Variants in ADAM9 observed in about 807,000 individuals in gnomAD.
The protein encoded by ADAM9 is disintegrin and metalloproteinase domain-containing protein 9.
Under a neutral mutation model 108.1 loss-of-function variants are expected in ADAM9, and 54 were observed. The observed-to-expected ratio is 0.50, with a 90% CI of 0.40 to 0.63. ADAM9 has a LOEUF of 0.63. ADAM9 is among the 20% of genes least tolerant of loss of function. The pLI, the probability that ADAM9 is intolerant of heterozygous loss-of-function variation, is 0.00. For synonymous variants in ADAM9, 316 were observed against 336.0 expected (o/e 0.94, Z 0.65); for missense variants, 830 against 997.7 (o/e 0.83, Z 2.26).
Position 39,054,518 on chromosome 8 carries a change from G to A in ADAM9, c.1340G>A (p.Cys447Tyr). The A allele has an allele frequency of 6.3e-7, 1 of 1,598,344 alleles. No homozygotes were observed. Among genetic ancestry groups the A allele is most frequent in the Non-Finnish European group, 8.5e-7 (1 of 1,171,594 alleles). ...GACCCTTGCTGCGAAGGAAGTACCT[G>A]TAAGCTTAAATCATTTGCTGAGTGT... ...ELDPCCEGST[C>Y]KLKSFAECAY... The change falls in exon 13 of 22, where the codon TGT (cysteine) becomes TAT (tyrosine). Residue 447 changes from cysteine (C) to tyrosine (Y), a missense_variant. Physicochemically the swap from Cys to Tyr is radical, Grantham distance 194. This residue lies in a region of ADAM9 where 381 missense variants were observed against 539.8 expected (regional missense o/e 0.71). Coordinates refer to ENST00000487273, the MANE Select transcript of ADAM9 (RefSeq NM_003816.3).
At chr8:39,045,544 A>C (rs377633999) in intron 12 of ADAM9, among the ~76,000 whole-genome samples, 1 of 119,254 alleles carries the variant, frequency 8.4e-6, no homozygotes, top group African/African-American at 3.3e-5. Flanking sequence ...GTGTGTATAT[A>C]TGTGTGTGTG....
At chr8:39,010,525 A>G (rs937765868) in intron 2 of ADAM9, among the ~76,000 whole-genome samples, 1 of 152,172 alleles carries the variant, frequency 6.6e-6, no homozygotes, top group Non-Finnish European at 1.5e-5. Context: ...AGGGAATATT[A>G]AGTAGACACT....
rs778356738 is a variant in ADAM9 at position 39,023,264 on chromosome 8, G to T, written c.853G>T (p.Val285Leu). 6.2e-7 allele frequency: 1 copy of T among 1,613,604 alleles called. No individual in the cohort carries two copies. The highest frequency in any genetic ancestry group is 1.7e-5 in the Admixed American group (1 of 59,994). ...TGCTGGTGATGTGCTGGGGAACTTCGTGCAGTGGCGGGAAAAGTTTCTTAT... is the reference window on the plus strand; with the variant it reads ...TGCTGGTGATGTGCTGGGGAACTTCTTGCAGTGGCGGGAAAAGTTTCTTAT... The part of the protein sequence containing the change: ...GGAGDVLGNF[V>L]QWREKFLITR... The change falls in exon 9 of 22, where the codon GTG becomes TTG. Residue 285 changes from valine to leucine, a missense_variant. This residue lies in a region of ADAM9 where 381 missense variants were observed against 539.8 expected (regional missense o/e 0.71). Coordinates refer to ENST00000487273, the MANE Select transcript of ADAM9 (RefSeq NM_003816.3).
chr8:39,076,022 T>C (rs1275111869), intron 15 of ADAM9: 1 of 151,804 alleles, frequency 6.6e-6, no homozygotes, highest in African/African-American at 2.4e-5. Context: ...AAATTAGGAG[T>C]TTTAGTGATA....
chr8:39,021,530 C>T lies in ADAM9; in HGVS notation c.673-113C>T, dbSNP rs917511513. The stretch of plus-strand genomic sequence containing the variant: ...AACTCCTGACCTCAGGTGATCTACC[C>T]GCCTGGGCCTCTCAAAATGCTAGAA... On this transcript the variant is annotated intron_variant, in intron 7 of 21. Coordinates refer to ENST00000487273, the MANE Select transcript of ADAM9 (RefSeq NM_003816.3). 21 of 905,458 alleles carry T rather than the reference C, an allele frequency of 2.3e-5. 1 individual carries two copies. The highest frequency in any genetic ancestry group is 1.5e-4 in the East Asian group (6 of 39,912). The allele number at this position is 905,458 out of a possible 1,614,324, so 56.1% of individuals were successfully genotyped here. A position where few individuals can be genotyped will look rare whatever the true frequency, so the allele number is the denominator to read the frequency against.
rs1175502484 is a variant in ADAM9, at chr8:39,045,126, GCATA to G, written c.1302+3018_1302+3021del. Among the ~76,000 whole-genome samples the G allele has an allele frequency of 5.3e-4, 41 of 77,524 alleles. 5 individuals carry two copies. Among genetic ancestry groups the G allele is most frequent in the South Asian group, 2.4e-3 (6 of 2,496 alleles). 50.9% of individuals were successfully genotyped at this position (77,524 alleles called of 152,430 possible). A position where few individuals can be genotyped will look rare whatever the true frequency, so the allele number is the denominator to read the frequency against. On this transcript the variant is annotated intron_variant, in intron 12 of 21. Coordinates refer to ENST00000487273, the MANE Select transcript of ADAM9 (RefSeq NM_003816.3). ...TGTGCATACATACATATGTGTGTGT[GCATA>G]CATACATATATGTGTATATATGTGT...
At position 39,045,373 on chromosome 8, in the gene ADAM9, CATACACCTATAGGTGT is replaced by C. The variant is rs1564301013; in HGVS notation, c.1302+3257_1302+3272del. Among the ~76,000 whole-genome samples, 54 of 113,588 alleles carry C rather than the reference CATACACCTATAGGTGT, an allele frequency of 4.8e-4. 7 individuals are homozygous for C. Among genetic ancestry groups the C allele is most frequent in the African/African-American group, 1.5e-3 (46 of 30,690 alleles). The allele number at this position is 113,588 out of a possible 152,430, so 74.5% of individuals were successfully genotyped here. A position where few individuals can be genotyped will look rare whatever the true frequency, so the allele number is the denominator to read the frequency against. ...GTGTACATACATATAGGTGTGTGTA[CATACACCTATAGGTGT>C]GTGTACACACACCTATATGTGCGCG... On this transcript the variant is annotated intron_variant, in intron 12 of 21. Transcript: ENST00000487273.
chr8:39,032,471 C>T lies in ADAM9; in HGVS notation c.1130+5661C>T, dbSNP rs754759879. 1.1e-4 allele frequency among the ~76,000 whole-genome samples: 16 copies of T among 152,244 alleles called. 1 individual carries two copies. The highest frequency in any genetic ancestry group is 3.2e-3 in the Middle Eastern group (1 of 314). ...AAAGCTCTGTGGGCGTAGGACCCGC[C>T]GAGCCAGGCGTGGGATGTAATCTCC... On this transcript the variant is annotated intron_variant, in intron 11 of 21. Transcript: ENST00000487273.
intron 13 of ADAM9, 74 bp downstream of exon 13, chr8:39,054,647 G>GT (rs1319009144): frequency 2.3e-6 from 3 of 1,306,118 alleles, no homozygotes; most frequent in East Asian, 5.2e-5. Flanking sequence ...ATCAAAATTT[G>GT]TTTTTTGAGA....
At chr8:39,079,014 G>C (rs1838936705) in intron 16 of ADAM9, among the ~76,000 whole-genome samples, 1 of 152,132 alleles carries the variant, frequency 6.6e-6, no homozygotes, top group Non-Finnish European at 1.5e-5. Context: ...TATTCCAGAC[G>C]AGGTGAGAGA....
intron 11 of ADAM9, among the ~76,000 whole-genome samples, chr8:39,028,079 C>T (rs1327295361): frequency 2.0e-5 from 3 of 152,066 alleles, no homozygotes; most frequent in African/African-American, 4.8e-5. Flanking sequence ...CAGAGCAAGA[C>T]CCTGTTTCAA....
intron 12 of ADAM9, among the ~76,000 whole-genome samples, chr8:39,048,464 T>G (rs1405998235): frequency 1.3e-5 from 2 of 152,210 alleles, no homozygotes; most frequent in Non-Finnish European, 2.9e-5. Context: ...TCAGTCTTCT[T>G]AAATTTCTGA....
intron 16 of ADAM9, among the ~76,000 whole-genome samples, chr8:39,077,759 GT>G (rs1350687609): frequency 7.9e-5 from 12 of 152,134 alleles, no homozygotes; most frequent in African/African-American, 2.9e-4. Flanking sequence ...CATGGAGCTT[GT>G]CCTGCCCATG....
At chr8:39,051,989 A>C (rs1271802217) in intron 12 of ADAM9, among the ~76,000 whole-genome samples, 1 of 152,138 alleles carries the variant, frequency 6.6e-6, no homozygotes, top group Non-Finnish European at 1.5e-5. Flanking sequence ...ATATATACAA[A>C]TATTTTTCTA....
At chr8:39,099,250 G>A (rs1029090502) in intron 20 of ADAM9, among the ~76,000 whole-genome samples, 7 of 152,078 alleles carry the variant, frequency 4.6e-5, no homozygotes, top group East Asian at 1.9e-4. Context: ...CACTGAAAAC[G>A]CATACTGCCA....
intron 12 of ADAM9, among the ~76,000 whole-genome samples, chr8:39,045,554 G>GTA (rs1324926089): frequency 1.2e-5 from 1 of 84,382 alleles, no homozygotes; most frequent in African/African-American, 4.6e-5. Context: ...ATGTGTGTGT[G>GTA]TATATGTGTG....
At chr8:38,998,119 A>G (rs866493257) in intron 1 of ADAM9, among the ~76,000 whole-genome samples, 135 of 152,234 alleles carry the variant, frequency 8.9e-4, no homozygotes, top group African/African-American at 3.2e-3. Context: ...TAAATCATTG[A>G]TTGAAAGTTA....
At chr8:39,006,303 C>A (rs1347312609) in intron 1 of ADAM9, among the ~76,000 whole-genome samples, 1 of 152,032 alleles carries the variant, frequency 6.6e-6, no homozygotes, top group Non-Finnish European at 1.5e-5. Context: ...TTTATACATG[C>A]AGTACATTGG....
chr8:39,046,770 A>T (rs540224963), intron 12 of ADAM9, among the ~76,000 whole-genome samples: 133 of 151,094 alleles, frequency 8.8e-4, no homozygotes, highest in East Asian at 9.7e-4. Context: ...TATTTAATTA[A>T]TTAAATTTTT....
Sources: allele counts gnomAD v4.1 joint callset (sites outside exome capture counted in the v4.1 genomes callset), GRCh38; gene constraint gnomAD v4.1.1; regional missense constraint gnomAD v4.1.1; transcripts MANE v1.5; gene names NCBI Gene and HGNC (gene_info 2026-07-23, HGNC 2026-07-21).